Variants in IRF2 observed in about 807,000 individuals in gnomAD.
IRF2 encodes the protein interferon regulatory factor 2.
Under a neutral mutation model 40.6 loss-of-function variants are expected in IRF2, and 15 were observed. The ratio of observed to expected loss-of-function variants is 0.37; its 90% CI spans 0.25 to 0.57. IRF2 has a LOEUF of 0.57. Among genes scored for constraint, IRF2 ranks in the 20% least tolerant of loss-of-function variants. The pLI is 0.77. For missense variants in IRF2, 317 were observed against 455.7 expected (o/e 0.70, Z 2.77); for synonymous variants, 151 against 165.5 (o/e 0.91, Z 0.67).
chr4:184,429,202 C>A (rs57810789), intron 1 of IRF2, 132 bp from the exon 2 acceptor site: 1 of 632,126 alleles, frequency 1.6e-6, no homozygotes, highest in African/African-American at 1.8e-5. Flanking sequence ...GCTGGGGGGT[C>A]GGTGTACTCA....
intron 3 of IRF2, 135 bp from the exon 4 acceptor site, chr4:184,418,843 A>C: frequency 1.4e-6 from 1 of 713,538 alleles, no homozygotes; most frequent in South Asian, 1.9e-5. Flanking sequence ...CCAGTGACCA[A>C]TCGTCCTGGT....
chr4:184,417,424 G>C (rs1361953115), intron 5 of IRF2, among the ~76,000 whole-genome samples: 3 of 152,214 alleles, frequency 2.0e-5, no homozygotes, highest in Admixed American at 2.0e-4. Flanking sequence ...ATCTCTCTGA[G>C]ATCCCTGGGT....
At chr4:184,396,442 T>C (rs538650185) in intron 7 of IRF2, among the ~76,000 whole-genome samples, 96 of 151,012 alleles carry the variant, frequency 6.4e-4, no homozygotes, top group African/African-American at 2.2e-3. Flanking sequence ...TTTTCTTTTT[T>C]TTTTTTTTTA....
intron 1 of IRF2, among the ~76,000 whole-genome samples, chr4:184,468,436 G>A (rs936244531): frequency 2.0e-5 from 3 of 151,460 alleles, no homozygotes; most frequent in Admixed American, 6.6e-5. Flanking sequence ...GCAGTGAGCC[G>A]AGATCACACC....
intron 1 of IRF2, among the ~76,000 whole-genome samples, chr4:184,469,643 C>T (rs954523303): frequency 6.6e-6 from 1 of 152,166 alleles, no homozygotes; most frequent in Non-Finnish European, 1.5e-5. Context: ...CCACCGCACT[C>T]CAGCCTGGTG....
intron 1 of IRF2, among the ~76,000 whole-genome samples, chr4:184,462,774 A>C (rs991617590): frequency 3.3e-5 from 5 of 152,246 alleles, no homozygotes; most frequent in Non-Finnish European, 5.9e-5. Context: ...ACAAATCCTA[A>C]TGCAAAGTGA....
chr4:184,435,959 TTTTTTC>T (rs1482963170), intron 1 of IRF2, among the ~76,000 whole-genome samples: 177 of 150,706 alleles, frequency 1.2e-3, no homozygotes, highest in Middle Eastern at 3.4e-3. Flanking sequence ...GGAGCTTTTC[TTTTTTC>T]TTTTTCTTTT....
chr4:184,464,670 C>T (rs1002887737), intron 1 of IRF2, among the ~76,000 whole-genome samples: 3 of 152,060 alleles, frequency 2.0e-5, no homozygotes, highest in Admixed American at 2.0e-4. Context: ...CACCTTGGTT[C>T]CCAAGGTGCT....
At chr4:184,418,395 G>C in intron 4 of IRF2, 137 bp downstream of exon 4, 1 of 978,400 alleles carries the variant, frequency 1.0e-6, no homozygotes, top group Admixed American at 2.0e-5. Flanking sequence ...TCCAAGCCAG[G>C]TAGGGGCGGA....
chr4:184,418,555 A>G lies in IRF2; in HGVS notation c.341T>C (p.Leu114Pro). The change falls in exon 4 of 9, where the codon CTA (leucine) becomes CCA (proline). Residue 114 changes from leucine (L) to proline (P), a missense_variant. This residue lies in a region of IRF2 where 262 missense variants were observed against 334.0 expected (regional missense o/e 0.78). Coordinates refer to ENST00000393593, the MANE Select transcript of IRF2 (RefSeq NM_002199.4). ...NAFRVYRMLP[L>P]SERPSKKGKK... ...ACCTTTCTTAGAAGGCCGTTCTGAT[A>G]GGGGCAGCATTCGGTAGACCCTGAA... is the stretch of plus-strand genomic sequence containing the variant. 1 of 1,614,202 alleles carries G rather than the reference A, an allele frequency of 6.2e-7. No individual in the cohort carries two copies. Among genetic ancestry groups the G allele is most frequent in the Non-Finnish European group, 8.5e-7 (1 of 1,180,012 alleles).
chr4:184,470,583 C>G (rs1470979516), intron 1 of IRF2, among the ~76,000 whole-genome samples: 2 of 150,786 alleles, frequency 1.3e-5, no homozygotes, highest in Non-Finnish European at 2.9e-5. Flanking sequence ...CCCAACTACT[C>G]GGGAAGCTGA....
In IRF2 at chr4:184,408,963, T is replaced by C. The variant is rs983300741; in HGVS notation, c.412-688A>G. On this transcript the variant is annotated intron_variant, in intron 5 of 8. Transcript: ENST00000393593. This position sits in a 1 kb window ranked among gnomAD's most constrained non-coding sequence, Gnocchi z 4.9. ...CACTAATGAAATAATGAGAACAAAT[T>C]CCTTTCCCTTATTGGAGCTCTAAAT... 2.0e-5 allele frequency among the ~76,000 whole-genome samples: 3 copies of C among 152,068 alleles called. No individual in the cohort carries two copies.
chr4:184,394,105 C>CGGAGA (rs1736359141), intron 7 of IRF2, among the ~76,000 whole-genome samples: 1 of 152,144 alleles, frequency 6.6e-6, no homozygotes. Flanking sequence ...GTTGCTTCTC[C>CGGAGA]AGCAACTCCA....
Position 184,452,671 on chromosome 4 carries a change from C to T in IRF2, c.-7+21708G>A, listed in dbSNP as rs187379250. Among the ~76,000 whole-genome samples the T allele has an allele frequency of 9.0e-4, 132 of 146,476 alleles. 2 individuals are homozygous for T. In the Middle Eastern group the frequency reaches 0.014, roughly 16 times the overall value. On this transcript the variant is annotated intron_variant, in intron 1 of 8. Transcript: ENST00000393593. ...CTGTAATCCCAGCACTTTGGGAGGC[C>T]GAAGCAGGAGGTTCATTTGAGCCCA...
At chr4:184,471,493 G>C (rs1210732984) in intron 1 of IRF2, among the ~76,000 whole-genome samples, 1 of 152,178 alleles carries the variant, frequency 6.6e-6, no homozygotes, top group Admixed American at 6.5e-5. Context: ...AGGCAGATAA[G>C]GGAACTATAA....
chr4:184,461,497 A>G (rs1739142991), intron 1 of IRF2, among the ~76,000 whole-genome samples: 1 of 152,188 alleles, frequency 6.6e-6, no homozygotes, highest in South Asian at 2.1e-4. Context: ...TGGAAGAATT[A>G]GGCTCCTAAC....
At chr4:184,434,419 TG>T (rs1738006541) in intron 1 of IRF2, among the ~76,000 whole-genome samples, 1 of 152,230 alleles carries the variant, frequency 6.6e-6, no homozygotes, top group African/African-American at 2.4e-5. Context: ...TTTTTTTTTC[TG>T]TAAGCTTCTC....
chr4:184,402,104 T>C (rs1736687476), intron 6 of IRF2, among the ~76,000 whole-genome samples: 1 of 152,112 alleles, frequency 6.6e-6, no homozygotes, highest in Non-Finnish European at 1.5e-5. Flanking sequence ...AAGGATCCGG[T>C]TTGTAAGAAG....
intron 1 of IRF2, among the ~76,000 whole-genome samples, chr4:184,461,050 T>C (rs1341138681): frequency 6.6e-6 from 1 of 152,238 alleles, no homozygotes; most frequent in East Asian, 1.9e-4. Flanking sequence ...TGGATATCTT[T>C]CATCAGCTTC....
Sources: allele counts gnomAD v4.1 joint callset (sites outside exome capture counted in the v4.1 genomes callset), GRCh38; gene constraint gnomAD v4.1.1; regional missense constraint gnomAD v4.1.1; non-coding constraint Gnocchi (gnomAD v3.1); transcripts MANE v1.5; gene names NCBI Gene and HGNC (gene_info 2026-07-23, HGNC 2026-07-21).